DLG2: variants seen among roughly 807,000 people sequenced by gnomAD.
The protein encoded by DLG2 is disks large homolog 2.
DLG2 carries 45 observed loss-of-function variants against 132.5 expected under a neutral mutation model. That is an observed-to-expected ratio of 0.34 (90% CI 0.27 to 0.44). DLG2 has a LOEUF of 0.44. Ranked by LOEUF, DLG2 falls within the 20% of genes least tolerant of loss-of-function variation. DLG2 has a pLI of 1.00. For missense variants in DLG2, 1,045 were observed against 1,196.9 expected (o/e 0.87, Z 1.87); for synonymous variants, 424 against 419.6 (o/e 1.01, Z -0.13).
intron 7 of DLG2, among the ~76,000 whole-genome samples, chr11:84,482,487 T>C (rs1341090793): frequency 6.6e-6 from 1 of 152,204 alleles, no homozygotes; most frequent in Non-Finnish European, 1.5e-5. Flanking sequence ...TTAATAATAA[T>C]AAAACCTTGA....
chr11:83,816,265 A>C (rs1440394865), intron 17 of DLG2, among the ~76,000 whole-genome samples: 1 of 152,198 alleles, frequency 6.6e-6, no homozygotes, highest in Non-Finnish European at 1.5e-5. Flanking sequence ...CAGCATCATC[A>C]GATGGCTACC....
intron 7 of DLG2, chr11:84,437,354 G>T (rs2099003842): frequency 6.6e-6 from 1 of 152,122 alleles, no homozygotes. Context: ...TTGGCAAACC[G>T]GAAAGGTAAT....
intron 5 of DLG2, among the ~76,000 whole-genome samples, chr11:85,125,794 T>C (rs1304549256): frequency 7.0e-6 from 1 of 142,410 alleles, no homozygotes; most frequent in African/African-American, 2.7e-5. Context: ...ACCTTCAATG[T>C]CCCAGACATT....
At chr11:85,307,249 G>C (rs11827879) in intron 3 of DLG2, among the ~76,000 whole-genome samples, 1,522 of 152,190 alleles carry the variant, frequency 0.01, 22 homozygotes, top group African/African-American at 0.033. Context: ...AAGAAAACTG[G>C]AGGAAAAATT....
chr11:84,049,365 C>T (rs996582857), intron 11 of DLG2, among the ~76,000 whole-genome samples: 1 of 151,676 alleles, frequency 6.6e-6, no homozygotes, highest in Non-Finnish European at 1.5e-5. Flanking sequence ...GTGCCAGATG[C>T]CTCCAATTTC....
At chr11:84,441,231 T>C (rs989700268) in intron 7 of DLG2, among the ~76,000 whole-genome samples, 3 of 151,898 alleles carry the variant, frequency 2.0e-5, no homozygotes, top group African/African-American at 7.3e-5. Flanking sequence ...ACTGCAGCCT[T>C]GAACTCCTGG....
intron 4 of DLG2, among the ~76,000 whole-genome samples, chr11:85,238,783 T>G (rs2075729867): frequency 6.6e-6 from 1 of 151,906 alleles, no homozygotes; most frequent in Non-Finnish European, 1.5e-5. Flanking sequence ...AAGTTCAAGG[T>G]TTTTCATGCC....
intron 6 of DLG2, among the ~76,000 whole-genome samples, chr11:85,028,150 C>T (rs1247837061): frequency 6.6e-6 from 1 of 152,164 alleles, no homozygotes; most frequent in Non-Finnish European, 1.5e-5. Flanking sequence ...TGGCTCCTTT[C>T]TGCAGGCAGG....
intron 6 of DLG2, among the ~76,000 whole-genome samples, chr11:84,638,503 T>C (rs977088726): frequency 6.6e-6 from 1 of 152,188 alleles, no homozygotes; most frequent in African/African-American, 2.4e-5. Context: ...TGAATAATCA[T>C]TTAAGATTAA....
At chr11:84,353,725 T>C (rs1321562791) in intron 7 of DLG2, among the ~76,000 whole-genome samples, 2 of 152,158 alleles carry the variant, frequency 1.3e-5, no homozygotes, top group African/African-American at 2.4e-5. Context: ...TTTTATCTTG[T>C]CTTCTTGGCT....
intron 4 of DLG2, among the ~76,000 whole-genome samples, chr11:85,222,306 G>C (rs1015315221): frequency 5.9e-5 from 9 of 152,030 alleles, no homozygotes; most frequent in African/African-American, 1.9e-4. Context: ...TATATCCTAA[G>C]TCATAGACCC....
intron 7 of DLG2, among the ~76,000 whole-genome samples, chr11:84,298,401 GT>G (rs2154380031): frequency 6.6e-6 from 1 of 152,290 alleles, no homozygotes; most frequent in Non-Finnish European, 1.5e-5. Flanking sequence ...AGGACAGAAT[GT>G]GAAGTTCAGA....
chr11:85,285,373 G>T lies in DLG2; in HGVS notation c.41-8C>A. The T allele has an allele frequency of 1.9e-6, 3 of 1,608,744 alleles. No homozygotes were observed. Among genetic ancestry groups the T allele is most frequent in the African/African-American group, 1.3e-5 (1 of 74,746 alleles). On this transcript the variant is annotated splice_region_variant and splice_polypyrimidine_tract_variant and intron_variant, in intron 3 of 27. Coordinates refer to ENST00000376104, the MANE Select transcript of DLG2 (RefSeq NM_001142699.3). ...CATAAAATTCTTGGATATCTGTAAA[G>T]AAAATGTAAGGAAAGCATCAAAATG...
chr11:85,421,994 G>C (rs1429305034), intron 3 of DLG2, among the ~76,000 whole-genome samples: 1 of 152,132 alleles, frequency 6.6e-6, no homozygotes, highest in African/African-American at 2.4e-5. Flanking sequence ...TGTTTTATTT[G>C]AGGAGGATGA....
intron 3 of DLG2, among the ~76,000 whole-genome samples, chr11:85,421,233 C>G (rs931873623): frequency 7.2e-5 from 11 of 152,064 alleles, no homozygotes; most frequent in African/African-American, 2.4e-4. Context: ...TTCCCTGACC[C>G]CTTGCATTTC....
chr11:84,080,017 G>T (rs1449673346), intron 10 of DLG2, among the ~76,000 whole-genome samples: 1 of 152,184 alleles, frequency 6.6e-6, no homozygotes, highest in African/African-American at 2.4e-5. Flanking sequence ...GCCTTTCACA[G>T]CACTACGTCC....
intron 18 of DLG2, among the ~76,000 whole-genome samples, chr11:83,658,404 A>C (rs970387150): frequency 3.9e-5 from 6 of 152,254 alleles, no homozygotes; most frequent in Admixed American, 1.3e-4. Context: ...AATTATGTTA[A>C]TTATATCCAA....
intron 7 of DLG2, among the ~76,000 whole-genome samples, chr11:84,407,542 GTTTC>G (rs1344765218): frequency 6.6e-6 from 1 of 152,116 alleles, no homozygotes; most frequent in Non-Finnish European, 1.5e-5. Flanking sequence ...TGTTGTTACT[GTTTC>G]TTTCTATTTT....
At chr11:83,623,684 G>C (rs1338069483) in intron 19 of DLG2, among the ~76,000 whole-genome samples, 1 of 152,192 alleles carries the variant, frequency 6.6e-6, no homozygotes. Context: ...TAATCAAAAA[G>C]TTCATTCCAC....
Sources: gnomAD v4.1 joint callset for allele counts (sites outside exome capture counted in the v4.1 genomes callset) on GRCh38, gnomAD v4.1.1 for gene constraint, MANE v1.5 for transcripts, NCBI Gene and HGNC (gene_info 2026-07-23, HGNC 2026-07-21) for gene names.